The following CALN1 variants were observed in gnomAD, a reference collection of about 807,000 sequenced individuals.
CALN1 encodes the protein calneuron 1.
In CALN1, 17 loss-of-function variants were observed where a neutral mutation model predicts 30.6. That is an observed-to-expected ratio of 0.56 (90% CI 0.38 to 0.83). The LOEUF is 0.83. Among genes scored for constraint, CALN1 ranks in the 40% least tolerant of loss-of-function variants. The pLI is 0.00. For missense variants in CALN1, 291 were observed against 354.9 expected, an observed-to-expected ratio of 0.82 and a Z score of 1.45; for synonymous variants, 156 against 131.4, an observed-to-expected ratio of 1.19 and a Z score of -1.28.
intron 3 of CALN1, among the ~76,000 whole-genome samples, chr7:72,264,496 A>ATT (rs34126246): frequency 2.7e-5 from 4 of 147,172 alleles, no homozygotes; most frequent in Non-Finnish European, 6.0e-5. Flanking sequence ...AATAAGCAGG[A>ATT]TTTTTTTTTT....
At chr7:72,273,166 G>A (rs1238158508) in intron 3 of CALN1, among the ~76,000 whole-genome samples, 1 of 152,058 alleles carries the variant, frequency 6.6e-6, no homozygotes, top group Non-Finnish European at 1.5e-5. Flanking sequence ...AGGCACGGTG[G>A]CTCACACTTG....
intron 3 of CALN1, among the ~76,000 whole-genome samples, chr7:72,264,530 G>T (rs946590708): frequency 2.0e-5 from 3 of 148,964 alleles, no homozygotes; most frequent in Non-Finnish European, 4.4e-5. Flanking sequence ...GTCTCGCTCT[G>T]TTGCCCTGGC....
intron 3 of CALN1, among the ~76,000 whole-genome samples, chr7:72,202,002 C>T (rs1791470170): frequency 6.6e-6 from 1 of 152,122 alleles, no homozygotes; most frequent in Non-Finnish European, 1.5e-5. Context: ...AACCATATCA[C>T]AAAGTCTCAG....
chr7:72,099,839 A>C (rs1266261967), intron 4 of CALN1, among the ~76,000 whole-genome samples: 1 of 152,220 alleles, frequency 6.6e-6, no homozygotes, highest in Admixed American at 6.5e-5. Flanking sequence ...GGTTTTTGTT[A>C]AAGGAACAAA....
rs552742871 is a variant in CALN1 at position 71,877,290 on chromosome 7, T to C, written c.502-66798A>G. On this transcript the variant is annotated intron_variant, in intron 5 of 6. Coordinates refer to ENST00000395275, the MANE Select transcript of CALN1 (RefSeq NM_031468.4). Reference sequence around the variant, plus strand: ...TTGAAAAAGTAAAGCTGTTTTGAATTGAGTCAGGAACTAGACCGGTGCATT... The same window carrying C: ...TTGAAAAAGTAAAGCTGTTTTGAATCGAGTCAGGAACTAGACCGGTGCATT... 1.8e-3 allele frequency among the ~76,000 whole-genome samples: 273 copies of C among 152,320 alleles called. 1 individual carries two copies. Among genetic ancestry groups the C allele is most frequent in the African/African-American group, 6.3e-3 (262 of 41,576 alleles).
chr7:72,448,045 C>T (rs1808578321), upstream of CALN1, among the ~76,000 whole-genome samples: 1 of 151,916 alleles, frequency 6.6e-6, no homozygotes, highest in South Asian at 2.1e-4. Flanking sequence ...TTCACACATG[C>T]CTGCTCATGC....
the CALN1 span, among the ~76,000 whole-genome samples, chr7:72,473,852 C>A: frequency 6.6e-6 from 1 of 151,350 alleles, no homozygotes; most frequent in Non-Finnish European, 1.5e-5. Context: ...TCGCTTGAAC[C>A]CAGAAGGCGG....
Position 72,001,635 on chromosome 7 carries a change from T to C in CALN1, c.501+22022A>G, listed in dbSNP as rs1162984324. 4.6e-5 allele frequency among the ~76,000 whole-genome samples: 7 copies of C among 152,358 alleles called. No homozygotes were observed. In the East Asian group the frequency reaches 1.4e-3, roughly 29 times the overall value. On this transcript the variant is annotated intron_variant, in intron 5 of 6. Transcript: ENST00000395275. ...ACTGCCCACTTGGCCTTCTTCCAAGTGGACTTTACTTCCTTTTGTTCCTGT... is the reference window on the plus strand; with the variant it reads ...ACTGCCCACTTGGCCTTCTTCCAAGCGGACTTTACTTCCTTTTGTTCCTGT...
intron 4 of CALN1, among the ~76,000 whole-genome samples, chr7:72,104,791 T>G (rs1473233355): frequency 6.6e-6 from 1 of 152,070 alleles, no homozygotes; most frequent in East Asian, 1.9e-4. Context: ...ACTCCGTCTC[T>G]ACTAAAAACA....
intron 2 of CALN1, among the ~76,000 whole-genome samples, chr7:72,294,554 A>AG (rs1798717403): frequency 1.3e-5 from 2 of 152,080 alleles, no homozygotes; most frequent in South Asian, 4.1e-4. Context: ...GTTTGAGACC[A>AG]GCCTGGGCAA....
Position 71,784,123 on chromosome 7 carries a change from C to T in CALN1, c.*3652G>A, listed in dbSNP as rs982569540. 6.6e-6 allele frequency: 1 copy of T among 152,058 alleles called. No homozygotes were observed. The highest frequency in any genetic ancestry group is 1.5e-5 in the Non-Finnish European group (1 of 68,030). The allele number at this position is 152,058 out of a possible 1,614,324, so 9.4% of individuals were successfully genotyped here. ...CAAGATGATATTTCTGTCAATTTACCTAGATTAAGGGGTCCTGGCTCTGGA... is the reference window on the plus strand; with the variant it reads ...CAAGATGATATTTCTGTCAATTTACTTAGATTAAGGGGTCCTGGCTCTGGA... On this transcript the variant is annotated 3_prime_UTR_variant, in exon 7 of 7. Transcript: ENST00000395275.
intron 5 of CALN1, among the ~76,000 whole-genome samples, chr7:71,926,825 T>C (rs1004627234): frequency 6.6e-6 from 1 of 152,202 alleles, no homozygotes; most frequent in Non-Finnish European, 1.5e-5. Flanking sequence ...TATTGTATTT[T>C]TTATTTCTAA....
chr7:72,047,753 A>G (rs1802563182), intron 4 of CALN1, among the ~76,000 whole-genome samples: 1 of 152,184 alleles, frequency 6.6e-6, no homozygotes, highest in South Asian at 2.1e-4. Flanking sequence ...ATGACGTGGC[A>G]GCCATCGTGC....
intron 5 of CALN1, among the ~76,000 whole-genome samples, chr7:71,835,276 G>C (rs1279616125): frequency 1.3e-5 from 2 of 152,158 alleles, no homozygotes; most frequent in Non-Finnish European, 2.9e-5. Flanking sequence ...TATGGCACTT[G>C]GATAAGTCAC....
At chr7:72,308,754 G>A (rs1050220824) in intron 2 of CALN1, among the ~76,000 whole-genome samples, 4 of 151,868 alleles carry the variant, frequency 2.6e-5, no homozygotes, top group Non-Finnish European at 4.4e-5. Flanking sequence ...GTTCCTTCCC[G>A]GAACAAAACA....
intron 5 of CALN1, among the ~76,000 whole-genome samples, chr7:71,819,358 G>GCA (rs1788462498): frequency 6.6e-6 from 1 of 151,778 alleles, no homozygotes; most frequent in South Asian, 2.1e-4. Context: ...ACAGGCATCT[G>GCA]CCACCACACC....
At chr7:72,074,403 G>A (rs1804597657) in intron 4 of CALN1, among the ~76,000 whole-genome samples, 1 of 152,066 alleles carries the variant, frequency 6.6e-6, no homozygotes, top group African/African-American at 2.4e-5. Context: ...ATTAACAGAT[G>A]AGCAAATATA....
intron 4 of CALN1, among the ~76,000 whole-genome samples, chr7:72,097,162 G>A (rs541069563): frequency 1.5e-3 from 230 of 152,246 alleles, no homozygotes; most frequent in Admixed American, 2.5e-3. Flanking sequence ...CCTGTCGTGG[G>A]GTGGGGGGAG....
intron 5 of CALN1, among the ~76,000 whole-genome samples, chr7:71,848,589 G>T (rs905854815): frequency 2.6e-5 from 4 of 151,948 alleles, no homozygotes; most frequent in Non-Finnish European, 5.9e-5. Context: ...AAGCTTAAAA[G>T]CCATCTGTTT....
Sources: gnomAD v4.1 joint callset for allele counts (sites outside exome capture counted in the v4.1 genomes callset) on GRCh38, gnomAD v4.1.1 for gene constraint, MANE v1.5 for transcripts, NCBI Gene and HGNC (gene_info 2026-07-23, HGNC 2026-07-21) for gene names.